ABI1: variants seen among roughly 807,000 people sequenced by gnomAD.
ABI1 encodes the protein Abelson interactor 1.
ABI1 carries 14 observed loss-of-function variants against 54.6 expected under a neutral mutation model. The ratio of observed to expected loss-of-function variants is 0.26; its 90% CI spans 0.17 to 0.40. The LOEUF (loss-of-function observed/expected upper bound fraction) is 0.40. ABI1 is among the 10% of genes least tolerant of loss of function. The probability of loss-of-function intolerance (pLI) is 1.00; values close to 1 mark genes in which losing one functional copy is unlikely to be tolerated. For missense variants in ABI1, 443 were observed against 598.3 expected (o/e 0.74, Z 2.71); for synonymous variants, 194 against 209.3 (o/e 0.93, Z 0.63).
intron 2 of ABI1, among the ~76,000 whole-genome samples, chr10:26,800,160 T>C (rs548432375): frequency 2.4e-4 from 36 of 151,934 alleles, no homozygotes; most frequent in Non-Finnish European, 4.9e-4. Context: ...AACCTAGGTG[T>C]ATCACCTGAG....
chr10:26,783,673 G>A (rs775853046), intron 2 of ABI1, among the ~76,000 whole-genome samples: 3 of 152,124 alleles, frequency 2.0e-5, no homozygotes, highest in Non-Finnish European at 2.9e-5. Flanking sequence ...GGCTTGATTG[G>A]TCTACTCTCT....
rs375940481 is a variant in ABI1, at chr10:26,815,058, A to G, written c.285+8080T>C. Among the ~76,000 whole-genome samples the G allele has an allele frequency of 1.2e-4, 19 of 152,324 alleles. No homozygotes were observed. The East Asian group carries it at 2.7e-3, about 22-fold the overall frequency. On this transcript the variant is annotated intron_variant, in intron 2 of 10. Transcript: ENST00000376140. ...CACCACTCAACAGCCAAGGTATGAC[A>G]GATGTAAATCCCTCATAAAGCTCTG...
At chr10:26,854,021 A>C (rs2050621333) in intron 1 of ABI1, among the ~76,000 whole-genome samples, 1 of 152,208 alleles carries the variant, frequency 6.6e-6, no homozygotes, top group Admixed American at 6.5e-5. Flanking sequence ...AATATAAATA[A>C]GGTTACTGTA....
At chr10:26,799,628 T>G (rs2046414115) in intron 2 of ABI1, among the ~76,000 whole-genome samples, 1 of 152,194 alleles carries the variant, frequency 6.6e-6, no homozygotes, top group African/African-American at 2.4e-5. Context: ...GAGCTAAAAC[T>G]GAGAGATGAA....
chr10:26,818,042 C>T (rs2047692526), intron 2 of ABI1, among the ~76,000 whole-genome samples: 2 of 151,158 alleles, frequency 1.3e-5, no homozygotes. Context: ...GCCCGAAGTC[C>T]CAGCTACCCG....
intron 1 of ABI1, among the ~76,000 whole-genome samples, chr10:26,837,994 G>A (rs1214661529): frequency 6.6e-6 from 1 of 151,410 alleles, no homozygotes; most frequent in African/African-American, 2.4e-5. Context: ...AAAGCTCACT[G>A]ATACTGATCT....
intron 3 of ABI1, among the ~76,000 whole-genome samples, chr10:26,773,287 T>C (rs1466447217): frequency 2.0e-5 from 3 of 147,154 alleles, no homozygotes; most frequent in Non-Finnish European, 3.0e-5. Context: ...CTGCAACCTC[T>C]GCCTCCCGGG....
intron 1 of ABI1, among the ~76,000 whole-genome samples, chr10:26,854,391 T>C (rs1183667378): frequency 6.6e-6 from 1 of 151,138 alleles, no homozygotes; most frequent in Non-Finnish European, 1.5e-5. Flanking sequence ...AGAACTGATA[T>C]ATGTGATATG....
intron 1 of ABI1, among the ~76,000 whole-genome samples, chr10:26,859,318 A>G (rs2051105413): frequency 6.6e-6 from 1 of 152,258 alleles, no homozygotes; most frequent in African/African-American, 2.4e-5. Flanking sequence ...AAACTGAGAA[A>G]TATTCAAAAC....
intron 2 of ABI1, among the ~76,000 whole-genome samples, chr10:26,794,891 C>G (rs1367237437): frequency 6.6e-6 from 1 of 152,068 alleles, no homozygotes; most frequent in Non-Finnish European, 1.5e-5. Flanking sequence ...TGCCTGTAAT[C>G]CCAGCACTTT....
intron 1 of ABI1, among the ~76,000 whole-genome samples, chr10:26,847,004 T>C (rs2050032910): frequency 6.7e-6 from 1 of 148,980 alleles, no homozygotes; most frequent in African/African-American, 2.5e-5. Flanking sequence ...GTTTGAGTTA[T>C]TTGATTAATG....
At chr10:26,778,249 T>C (rs1187767543) in intron 2 of ABI1, among the ~76,000 whole-genome samples, 1 of 152,132 alleles carries the variant, frequency 6.6e-6, no homozygotes, top group African/African-American at 2.4e-5. Flanking sequence ...GTTGCCAACT[T>C]AAAACTGGAT....
intron 1 of ABI1, among the ~76,000 whole-genome samples, chr10:26,834,548 A>AAAACAC (rs1466967512): frequency 4.3e-5 from 6 of 138,546 alleles, no homozygotes; most frequent in African/African-American, 1.6e-4. Context: ...AGACATACAA[A>AAAACAC]ACACACACAC....
chr10:26,845,962 G>T (rs899961214), intron 1 of ABI1, among the ~76,000 whole-genome samples: 3 of 151,948 alleles, frequency 2.0e-5, no homozygotes, highest in Non-Finnish European at 4.4e-5. Flanking sequence ...GGCCAACATG[G>T]TGAAACCCCG....
chr10:26,817,870 T>C (rs1251491220), intron 2 of ABI1, among the ~76,000 whole-genome samples: 2 of 151,924 alleles, frequency 1.3e-5, no homozygotes, highest in Admixed American at 6.6e-5. Flanking sequence ...ATAAAACAAT[T>C]CCTGGCCGGG....
At chr10:26,749,069 C>A (rs577213271) in intron 10 of ABI1, among the ~76,000 whole-genome samples, 1 of 152,062 alleles carries the variant, frequency 6.6e-6, no homozygotes, top group South Asian at 2.1e-4. Flanking sequence ...TGCAAAGCAC[C>A]GGCTTTTCAA....
rs745349399 is a variant in ABI1 at position 26,765,268 on chromosome 10, A to G, written c.770T>C (p.Ile257Thr). The G allele has an allele frequency of 1.9e-6, 3 of 1,602,550 alleles. No individual in the cohort carries two copies. The highest frequency in any genetic ancestry group is 1.8e-5 in the Admixed American group (1 of 57,050). The change falls in exon 7 of 11, where the codon ATT (isoleucine) becomes ACT (threonine). Residue 257 changes from isoleucine (I) to threonine (T), a missense_variant. Ile to Thr is a moderately conservative substitution (Grantham distance 89). Coordinates refer to ENST00000376140, the MANE Select transcript of ABI1 (RefSeq NM_001012750.3). Reference protein sequence around the residue: ...GSRENSGSSSIGIPIAVPTPS... With the variant: ...GSRENSGSSSTGIPIAVPTPS... The stretch of plus-strand genomic sequence containing the variant: ...TGTAGGCACAGCAATGGGAATGCCA[A>G]TACTACTGCTACCACTGTTTTCTCG...
intron 2 of ABI1, among the ~76,000 whole-genome samples, chr10:26,779,367 T>G (rs1841829762): frequency 6.6e-6 from 1 of 152,192 alleles, no homozygotes; most frequent in Non-Finnish European, 1.5e-5. Context: ...GCCTGAATGA[T>G]GCCTTGGTTA....
In ABI1 at chr10:26,746,611, T is replaced by G. The variant is rs1836941529; in HGVS notation, c.*1959A>C. 4 of 807,434 alleles carry G rather than the reference T, an allele frequency of 5.0e-6. No homozygotes were observed. The East Asian group carries it at 1.2e-4, about 23-fold the overall frequency. The allele number at this position is 807,434 out of a possible 1,614,324, so 50.0% of individuals were successfully genotyped here. On this transcript the variant is annotated 3_prime_UTR_variant, in exon 11 of 11. Transcript: ENST00000376140. ...ATCAAACTTATTGATGGGCAATTTA[T>G]TTTTTTTTATTGCAAAAGTTTTTTC...
Sources: gnomAD v4.1 joint callset for allele counts (sites outside exome capture counted in the v4.1 genomes callset) on GRCh38, gnomAD v4.1.1 for gene constraint, MANE v1.5 for transcripts, NCBI Gene and HGNC (gene_info 2026-07-23, HGNC 2026-07-21) for gene names.